Variants in SGCZ observed in about 807,000 individuals in gnomAD.
The protein encoded by SGCZ is zeta-sarcoglycan.
A neutral mutation model predicts 41.3 loss-of-function variants in SGCZ; 40 were observed. That is an observed-to-expected ratio of 0.97 (90% CI 0.75 to 1.26). SGCZ has a LOEUF of 1.26. SGCZ is among the 50% of genes most tolerant of loss of function. SGCZ has a pLI of 0.00. For missense variants in SGCZ, 552 were observed against 369.8 expected (o/e 1.49, Z -4.04); for synonymous variants, 206 against 137.5 (o/e 1.50, Z -3.49).
At position 14,621,381 on chromosome 8, in the gene SGCZ, A is replaced by G. The variant is rs931014321; in HGVS notation, c.40-66455T>C. Reference sequence around the variant, plus strand: ...CAGCACACCAACATGGCACATGTATACATATGTAACAAACCTGCACGTTGT... The same window carrying G: ...CAGCACACCAACATGGCACATGTATGCATATGTAACAAACCTGCACGTTGT... On this transcript the variant is annotated intron_variant, in intron 1 of 7. Coordinates refer to ENST00000382080, the MANE Select transcript of SGCZ (RefSeq NM_139167.4). Among the ~76,000 whole-genome samples the G allele has an allele frequency of 1.8e-4, 27 of 152,070 alleles. 1 individual carries two copies. Among genetic ancestry groups the G allele is most frequent in the Admixed American group, 1.6e-3 (24 of 15,268 alleles).
intron 1 of SGCZ, among the ~76,000 whole-genome samples, chr8:14,720,624 C>T (rs1210201872): frequency 1.3e-5 from 2 of 151,978 alleles, no homozygotes; most frequent in African/African-American, 2.4e-5. Context: ...TGGCCCTCTG[C>T]CTGTTTCATA....
intron 2 of SGCZ, among the ~76,000 whole-genome samples, chr8:14,543,271 C>G (rs1414067138): frequency 6.6e-6 from 1 of 152,008 alleles, no homozygotes; most frequent in African/African-American, 2.4e-5. Flanking sequence ...TTTCTCTATT[C>G]AGACTCCTCC....
At chr8:15,013,419 G>C (rs1359750854) in intron 1 of SGCZ, among the ~76,000 whole-genome samples, 1 of 152,140 alleles carries the variant, frequency 6.6e-6, no homozygotes, top group Admixed American at 6.6e-5. Context: ...CTTGCCCTTA[G>C]CATCTATAAC....
chr8:14,224,445 G>A (rs983057185), intron 4 of SGCZ, among the ~76,000 whole-genome samples: 1 of 152,174 alleles, frequency 6.6e-6, no homozygotes, highest in Non-Finnish European at 1.5e-5. Context: ...GCAGCAGTGA[G>A]TTGGAAAATC....
intron 1 of SGCZ, among the ~76,000 whole-genome samples, chr8:14,960,639 C>T (rs1227226304): frequency 6.6e-6 from 1 of 152,000 alleles, no homozygotes; most frequent in Non-Finnish European, 1.5e-5. Context: ...AAAATTAAGC[C>T]ATACCTGTCT....
At chr8:14,383,489 G>C (rs1804446741) in intron 2 of SGCZ, among the ~76,000 whole-genome samples, 1 of 152,154 alleles carries the variant, frequency 6.6e-6, no homozygotes, top group Admixed American at 6.5e-5. Context: ...TCCCACTCTG[G>C]ATAGCAAATA....
intron 2 of SGCZ, among the ~76,000 whole-genome samples, chr8:14,526,832 T>A (rs528084700): frequency 1.3e-5 from 2 of 152,080 alleles, no homozygotes; most frequent in African/African-American, 4.8e-5. Context: ...TCGTACCACA[T>A]ACACAAAACT....
At chr8:14,259,122 T>A (rs11203588) in intron 3 of SGCZ, among the ~76,000 whole-genome samples, 58,326 of 152,062 alleles carry the variant, frequency 0.38, 12,583 homozygotes, top group Non-Finnish European at 0.5. Flanking sequence ...TACGGATTTG[T>A]AATACTATAT....
intron 2 of SGCZ, among the ~76,000 whole-genome samples, chr8:14,456,519 G>C (rs540271625): frequency 1.6e-4 from 25 of 152,238 alleles, no homozygotes; most frequent in African/African-American, 6.0e-4. Context: ...AGAGGACTTA[G>C]GAAAACATGC....
chr8:14,403,971 T>C (rs114323077), intron 2 of SGCZ, among the ~76,000 whole-genome samples: 1,971 of 152,046 alleles, frequency 0.013, 46 homozygotes, highest in African/African-American at 0.043. Context: ...GTATTTCAGC[T>C]CCTAAATAGA....
chr8:15,222,481 C>A (rs1002004052), intron 1 of SGCZ, among the ~76,000 whole-genome samples: 1 of 151,756 alleles, frequency 6.6e-6, no homozygotes, highest in African/African-American at 2.4e-5. Flanking sequence ...GCTTGGCTAG[C>A]AAATCTGATA....
intron 1 of SGCZ, among the ~76,000 whole-genome samples, chr8:14,985,083 C>G (rs75952008): frequency 0.024 from 3,664 of 152,170 alleles, 90 homozygotes; most frequent in South Asian, 0.11. Context: ...AGCCAATACC[C>G]AATGGTCAAA....
chr8:14,206,722 G>T (rs910772747), intron 4 of SGCZ, among the ~76,000 whole-genome samples: 1 of 152,116 alleles, frequency 6.6e-6, no homozygotes, highest in African/African-American at 2.4e-5. Flanking sequence ...TGCTATAACT[G>T]GTAAGGGTAT....
At chr8:14,162,547 T>C (rs916639365) in intron 5 of SGCZ, 1 of 150,470 alleles carries the variant, frequency 6.6e-6, no homozygotes. Flanking sequence ...AACAGAACTC[T>C]CTTTCTCTCT....
chr8:15,057,926 G>C (rs1804773998), intron 1 of SGCZ, among the ~76,000 whole-genome samples: 1 of 152,170 alleles, frequency 6.6e-6, no homozygotes, highest in Admixed American at 6.5e-5. Flanking sequence ...CCTAGTTCTA[G>C]GTGGTGAAGA....
chr8:14,558,687 C>G (rs116531557), intron 1 of SGCZ, among the ~76,000 whole-genome samples: 3,039 of 149,828 alleles, frequency 0.02, 93 homozygotes, highest in African/African-American at 0.07. Flanking sequence ...ACAATGACAA[C>G]AAAAAACTAC....
At chr8:15,016,653 C>T (rs560022749) in intron 1 of SGCZ, among the ~76,000 whole-genome samples, 1 of 152,098 alleles carries the variant, frequency 6.6e-6, no homozygotes, top group African/African-American at 2.4e-5. Context: ...TGCCCCAGTA[C>T]GTTTGATAAT....
intron 2 of SGCZ, among the ~76,000 whole-genome samples, chr8:14,411,297 T>A (rs545512833): frequency 8.5e-5 from 13 of 152,266 alleles, no homozygotes; most frequent in African/African-American, 2.9e-4. Flanking sequence ...ACAAAAAACG[T>A]AAAAGTTTTT....
chr8:14,250,442 C>T (rs1799245659), intron 3 of SGCZ, among the ~76,000 whole-genome samples: 1 of 152,038 alleles, frequency 6.6e-6, no homozygotes, highest in South Asian at 2.1e-4. Context: ...TATACACAGG[C>T]ATAACCATAC....
Sources: allele counts gnomAD v4.1 joint callset (sites outside exome capture counted in the v4.1 genomes callset), GRCh38; gene constraint gnomAD v4.1.1; transcripts MANE v1.5; gene names NCBI Gene and HGNC (gene_info 2026-07-23, HGNC 2026-07-21).